ZNF576: variants seen among roughly 807,000 people sequenced by gnomAD.
ZNF576 encodes the protein zinc finger protein 576.
A neutral mutation model predicts 10.8 loss-of-function variants in ZNF576; 9 were observed. That is an observed-to-expected ratio of 0.84 (90% CI 0.50 to 1.46). ZNF576 has a LOEUF of 1.46. Ranked by LOEUF, ZNF576 falls within the 40% of genes most tolerant of loss-of-function variation. ZNF576 has a pLI of 0.00. For missense variants in ZNF576, 191 were observed against 233.7 expected, an observed-to-expected ratio of 0.82 and a Z score of 1.19; for synonymous variants, 88 against 89.6, an observed-to-expected ratio of 0.98 and a Z score of 0.10.
rs898757303 is a variant in ZNF576, at chr19:43,597,122, A to C, written c.14A>C (p.Asn5Thr). 2 of 1,613,986 alleles carry C rather than the reference A, an allele frequency of 1.2e-6. No homozygotes were observed. The highest frequency in any genetic ancestry group is 2.7e-5 in the African/African-American group (2 of 74,898). MEDP[N>T]PEENMKQQDS... ...GGTCCCAGCACCATGGAGGACCCGA[A>C]CCCTGAAGAGAACATGAAGCAGCAG... The change falls in exon 2 of 3, where the codon AAC (asparagine) becomes ACC (threonine). Residue 5 changes from asparagine to threonine, a missense_variant. Asn to Thr is a moderately conservative substitution (Grantham distance 65, BLOSUM62 0). Coordinates refer to ENST00000336564, the MANE Select transcript of ZNF576 (RefSeq NM_001145347.2).
Position 43,599,481 on chromosome 19 carries a change from T to A in ZNF576, c.*223T>A. The A allele has an allele frequency of 2.0e-6, 1 of 493,426 alleles. No individual in the cohort carries two copies. The highest frequency in any genetic ancestry group is 3.5e-6 in the Non-Finnish European group (1 of 282,682). 30.6% of individuals were successfully genotyped at this position (493,426 alleles called of 1,614,324 possible). A position where few individuals can be genotyped will look rare whatever the true frequency, so the allele number is the denominator to read the frequency against. The stretch of plus-strand genomic sequence containing the variant: ...ACAGTGAAATCAGATAATAATGAGA[T>A]CTTTTGTTAAAAAAAAAAAATGGGA... On this transcript the variant is annotated 3_prime_UTR_variant, in exon 3 of 3. Coordinates refer to ENST00000336564, the MANE Select transcript of ZNF576 (RefSeq NM_001145347.2).
chr19:43,600,724 G>A lies in ZNF576; in HGVS notation c.*1466G>A, dbSNP rs1161930227. On this transcript the variant is annotated 3_prime_UTR_variant, in exon 3 of 3. Transcript: ENST00000336564. ...AAATTAGCCGGGTGTGGTGGCATAT[G>A]CCTGTAATCCCAGCTACTTGGGAGG... 3.9e-5 allele frequency: 6 copies of A among 152,298 alleles called. No individual in the cohort carries two copies. 9.4% of individuals were successfully genotyped at this position (152,298 alleles called of 1,614,324 possible). A position where few individuals can be genotyped will look rare whatever the true frequency, so the allele number is the denominator to read the frequency against.
At position 43,597,434 on chromosome 19, in the gene ZNF576, G is replaced by A. The variant is rs577368861; in HGVS notation, c.85+241G>A. ...AATGCTTATGCATTCAGAGGGATAG[G>A]GTGGCTTCCAGGAGAGGCTTGGGTT... On this transcript the variant is annotated intron_variant, in intron 2 of 2. Transcript: ENST00000336564. 6.9e-6 allele frequency: 3 copies of A among 434,350 alleles called. No homozygotes were observed. The East Asian group carries it at 1.3e-4, about 19-fold the overall frequency. The allele number at this position is 434,350 out of a possible 1,614,324, so 26.9% of individuals were successfully genotyped here. A position where few individuals can be genotyped will look rare whatever the true frequency, so the allele number is the denominator to read the frequency against.
chr19:43,599,282 T>C lies in ZNF576; in HGVS notation c.*24T>C. The C allele has an allele frequency of 6.3e-7, 1 of 1,595,366 alleles. No homozygotes were observed. ...GAGTGCAGCTTAAGCCTCTCCACGG[T>C]GACGGGTGGCTCTGTGGCTGGTAGG... On this transcript the variant is annotated 3_prime_UTR_variant, in exon 3 of 3. Transcript: ENST00000336564.
At position 43,599,340 on chromosome 19, in the gene ZNF576, G is replaced by C. The variant is rs1166102836; in HGVS notation, c.*82G>C. On this transcript the variant is annotated 3_prime_UTR_variant, in exon 3 of 3. Coordinates refer to ENST00000336564, the MANE Select transcript of ZNF576 (RefSeq NM_001145347.2). Reference sequence around the variant, plus strand: ...CATGATATGGGGTGCAGGAACTCTGGGGGCCCTGAAGGATTTGCTTCCCTC... The same window carrying C: ...CATGATATGGGGTGCAGGAACTCTGCGGGCCCTGAAGGATTTGCTTCCCTC... 1.8e-5 allele frequency: 26 copies of C among 1,434,394 alleles called. No individual in the cohort carries two copies. Among genetic ancestry groups the C allele is most frequent in the Non-Finnish European group, 2.3e-5 (25 of 1,064,758 alleles). The allele number at this position is 1,434,394 out of a possible 1,614,324, so 88.9% of individuals were successfully genotyped here. A position where few individuals can be genotyped will look rare whatever the true frequency, so the allele number is the denominator to read the frequency against.
chr19:43,598,744 G>A, intron 2 of ZNF576, 87 bp from the exon 3 acceptor site: 1 of 1,093,816 alleles, frequency 9.1e-7, no homozygotes, highest in Non-Finnish European at 1.3e-6. Flanking sequence ...CACATTCAAT[G>A]TTAATTGTTG....
At chr19:43,598,719 G>A in intron 2 of ZNF576, 112 bp from the exon 3 acceptor site, 1 of 902,886 alleles carries the variant, frequency 1.1e-6, no homozygotes, top group Non-Finnish European at 1.7e-6. Flanking sequence ...CATTAGCATA[G>A]AACCTAGCAC....
rs749276993 is a variant in ZNF576, at chr19:43,599,286, G to A, written c.*28G>A. On this transcript the variant is annotated 3_prime_UTR_variant, in exon 3 of 3. Coordinates refer to ENST00000336564, the MANE Select transcript of ZNF576 (RefSeq NM_001145347.2). Reference sequence around the variant, plus strand: ...GCAGCTTAAGCCTCTCCACGGTGACGGGTGGCTCTGTGGCTGGTAGGACTC... The same window carrying A: ...GCAGCTTAAGCCTCTCCACGGTGACAGGTGGCTCTGTGGCTGGTAGGACTC... The A allele has an allele frequency of 2.5e-6, 4 of 1,590,962 alleles. No homozygotes were observed. The highest frequency in any genetic ancestry group is 3.4e-6 in the Non-Finnish European group (4 of 1,164,898).
In ZNF576 at chr19:43,601,094, T is replaced by A. The variant is rs1973202905; in HGVS notation, c.*1836T>A. 1 of 152,244 alleles carries A rather than the reference T, an allele frequency of 6.6e-6. No individual in the cohort carries two copies. The highest frequency in any genetic ancestry group is 2.1e-4 in the South Asian group (1 of 4,836). 9.4% of individuals were successfully genotyped at this position (152,244 alleles called of 1,614,324 possible). A position where few individuals can be genotyped will look rare whatever the true frequency, so the allele number is the denominator to read the frequency against. On this transcript the variant is annotated 3_prime_UTR_variant, in exon 3 of 3. Coordinates refer to ENST00000336564, the MANE Select transcript of ZNF576 (RefSeq NM_001145347.2). ...ACCATTATTTTGGGTCTCTGTCACA[T>A]GCAACAGAATTTACAGCCTAAGACA...
Position 43,599,351 on chromosome 19 carries a change from G to A in ZNF576, c.*93G>A, listed in dbSNP as rs1410354656. On this transcript the variant is annotated 3_prime_UTR_variant, in exon 3 of 3. Coordinates refer to ENST00000336564, the MANE Select transcript of ZNF576 (RefSeq NM_001145347.2). ...GTGCAGGAACTCTGGGGGCCCTGAA[G>A]GATTTGCTTCCCTCCCCTGGGAAGG... 2 of 1,353,998 alleles carry A rather than the reference G, an allele frequency of 1.5e-6. No individual in the cohort carries two copies. The allele number at this position is 1,353,998 out of a possible 1,614,324, so 83.9% of individuals were successfully genotyped here. A position where few individuals can be genotyped will look rare whatever the true frequency, so the allele number is the denominator to read the frequency against.
At chr19:43,597,306 G>C in intron 2 of ZNF576, 113 bp downstream of exon 2, 1 of 891,462 alleles carries the variant, frequency 1.1e-6, no homozygotes, top group Non-Finnish European at 1.8e-6. Flanking sequence ...GTTGAGAAGG[G>C]GCTGTAATGG....
At position 43,599,300 on chromosome 19, in the gene ZNF576, C is replaced by A; in HGVS notation, c.*42C>A. 6.4e-7 allele frequency: 1 copy of A among 1,569,938 alleles called. No individual in the cohort carries two copies. The highest frequency in any genetic ancestry group is 8.7e-7 in the Non-Finnish European group (1 of 1,152,720). The stretch of plus-strand genomic sequence containing the variant: ...TCCACGGTGACGGGTGGCTCTGTGG[C>A]TGGTAGGACTCACCCATGATATGGG... On this transcript the variant is annotated 3_prime_UTR_variant, in exon 3 of 3. Coordinates refer to ENST00000336564, the MANE Select transcript of ZNF576 (RefSeq NM_001145347.2).
At chr19:43,597,696 A>G (rs1973163240) in intron 2 of ZNF576, among the ~76,000 whole-genome samples, 1 of 152,206 alleles carries the variant, frequency 6.6e-6, no homozygotes, top group Admixed American at 6.5e-5. Context: ...GTGTTTTATT[A>G]TGAGCTAGGT....
chr19:43,601,068 C>T lies in ZNF576; in HGVS notation c.*1810C>T, dbSNP rs1156605017. The T allele has an allele frequency of 6.6e-6, 1 of 152,166 alleles. No homozygotes were observed. The highest frequency in any genetic ancestry group is 1.5e-5 in the Non-Finnish European group (1 of 68,042). The allele number at this position is 152,166 out of a possible 1,614,324, so 9.4% of individuals were successfully genotyped here. A position where few individuals can be genotyped will look rare whatever the true frequency, so the allele number is the denominator to read the frequency against. ...AAAGAAACTTCTATCTTATTTAAGC[C>T]ACCATTATTTTGGGTCTCTGTCACA... On this transcript the variant is annotated 3_prime_UTR_variant, in exon 3 of 3. Coordinates refer to ENST00000336564, the MANE Select transcript of ZNF576 (RefSeq NM_001145347.2).
chr19:43,597,928 T>C (rs963748137), intron 2 of ZNF576, among the ~76,000 whole-genome samples: 1 of 152,070 alleles, frequency 6.6e-6, no homozygotes, highest in Non-Finnish European at 1.5e-5. Flanking sequence ...CTGTGGGGTG[T>C]CTCACTAAGA....
At position 43,598,757 on chromosome 19, in the gene ZNF576, G is replaced by A. The variant is rs1973176023; in HGVS notation, c.86-74G>A. ...AACACATTCAATGTTAATTGTTGGT[G>A]TGATTCTGGGGTTCAGGAAGAGGTC... is the stretch of plus-strand genomic sequence containing the variant. On this transcript the variant is annotated intron_variant, in intron 2 of 2. Transcript: ENST00000336564. 3.3e-6 allele frequency: 4 copies of A among 1,211,110 alleles called. 1 individual carries two copies. Among genetic ancestry groups the A allele is most frequent in the Non-Finnish European group, 1.2e-6 (1 of 858,098 alleles). 75.0% of individuals were successfully genotyped at this position (1,211,110 alleles called of 1,614,324 possible).
rs1481627462 is a variant in ZNF576 at position 43,598,851 on chromosome 19, T to C, written c.106T>C (p.Cys36Arg). 6.4e-7 allele frequency: 1 copy of C among 1,565,550 alleles called. No individual in the cohort carries two copies. Among genetic ancestry groups the C allele is most frequent in the Non-Finnish European group, 8.7e-7 (1 of 1,150,788 alleles). ...CTCAGGCCACCTGGGGGCCCCGAAG[T>C]GCACCCGCTGCCTCATCACCTTCGC... Reference protein sequence around the residue: ...GNICHLGAPKCTRCLITFADS... With the variant: ...GNICHLGAPKRTRCLITFADS... Residue 36 changes from cysteine (C) to arginine (R), a missense_variant, in exon 3 of 3, where the codon TGC becomes CGC. Transcript: ENST00000336564.
At chr19:43,597,674 ACCT>A (rs1180480509) in intron 2 of ZNF576, 1 of 162,384 alleles carries the variant, frequency 6.2e-6, no homozygotes, top group African/African-American at 2.4e-5. Flanking sequence ...TAATAGCAAC[ACCT>A]CCTGCTCAGT....
intron 1 of ZNF576, 130 bp downstream of exon 1, chr19:43,596,873 T>C: frequency 2.0e-6 from 1 of 494,332 alleles, no homozygotes; most frequent in Non-Finnish European, 3.7e-6. Flanking sequence ...GTGAGAAGAC[T>C]CTAGGGGAGT....
Sources: gnomAD v4.1 joint callset for allele counts (sites outside exome capture counted in the v4.1 genomes callset) on GRCh38, gnomAD v4.1.1 for gene constraint, MANE v1.5 for transcripts, NCBI Gene and HGNC (gene_info 2026-07-23, HGNC 2026-07-21) for gene names.